The following MYSM1 variants were observed in gnomAD, a reference collection of about 807,000 sequenced individuals.
The protein encoded by MYSM1 is Myb like, SWIRM and MPN domains 1, also known as deubiquitinase MYSM1.
In MYSM1, 51 loss-of-function variants were observed where a neutral mutation model predicts 116.0. The ratio of observed to expected loss-of-function variants is 0.44; its 90% CI spans 0.35 to 0.56. The LOEUF is 0.56. MYSM1 is among the 20% of genes least tolerant of loss of function. The pLI, the probability that MYSM1 is intolerant of heterozygous loss-of-function variation, is 0.00. For synonymous variants in MYSM1, 313 were observed against 315.2 expected (o/e 0.99, Z 0.07); for missense variants, 900 against 974.9 (o/e 0.92, Z 1.02).
In MYSM1 at chr1:58,659,851, C is replaced by T; in HGVS notation, c.*146G>A. 2 of 574,562 alleles carry T rather than the reference C, an allele frequency of 3.5e-6. No individual in the cohort carries two copies. The highest frequency in any genetic ancestry group is 3.2e-5 in the East Asian group (1 of 31,732). The allele number at this position is 574,562 out of a possible 1,614,324, so 35.6% of individuals were successfully genotyped here. A position where few individuals can be genotyped will look rare whatever the true frequency, so the allele number is the denominator to read the frequency against. ...ACAAATTTGTATCTCTTCCTTTTCA[C>T]ATGATTTATGTGGCAAAGTTTGGAT... On this transcript the variant is annotated 3_prime_UTR_variant, in exon 20 of 20. Transcript: ENST00000472487.
chr1:58,660,957 T>G (rs1310438284), intron 19 of MYSM1, among the ~76,000 whole-genome samples: 1 of 152,124 alleles, frequency 6.6e-6, no homozygotes, highest in Non-Finnish European at 1.5e-5. Flanking sequence ...ACTGACAAAT[T>G]TATTCTAAAA....
intron 12 of MYSM1, 76 bp from the exon 13 acceptor site, chr1:58,669,114 G>T: frequency 9.0e-7 from 1 of 1,115,884 alleles, no homozygotes; most frequent in Non-Finnish European, 1.3e-6. Flanking sequence ...ATCTGAAAGT[G>T]TATATCAATA....
rs1411157478 is a variant in MYSM1 at position 58,654,789 on chromosome 1, CTT to C, written c.*5206_*5207del. 2 of 152,084 alleles carry C rather than the reference CTT, an allele frequency of 1.3e-5. No individual in the cohort carries two copies. Among genetic ancestry groups the C allele is most frequent in the Non-Finnish European group, 1.5e-5 (1 of 68,010 alleles). The allele number at this position is 152,084 out of a possible 1,614,324, so 9.4% of individuals were successfully genotyped here. ...TTATGGAATTTTCAGCATGTTTAAACTTAATTTTTAGAACAAAATCCAAAAGC... is the reference window on the plus strand; with the variant it reads ...TTATGGAATTTTCAGCATGTTTAAACAATTTTTAGAACAAAATCCAAAAGC... On this transcript the variant is annotated 3_prime_UTR_variant, in exon 20 of 20. Coordinates refer to ENST00000472487, the MANE Select transcript of MYSM1 (RefSeq NM_001085487.3).
intron 1 of MYSM1, among the ~76,000 whole-genome samples, chr1:58,695,883 A>T (rs1415158218): frequency 6.6e-6 from 1 of 152,170 alleles, no homozygotes. Flanking sequence ...TGTTTACCCC[A>T]TATTTGAAAA....
rs1644321496 is a variant in MYSM1, at chr1:58,656,564, G to C, written c.*3433C>G. 4.6e-5 allele frequency: 7 copies of C among 152,082 alleles called. No homozygotes were observed. Among genetic ancestry groups the C allele is most frequent in the Admixed American group, 3.9e-4 (6 of 15,262 alleles). The allele number at this position is 152,082 out of a possible 1,614,324, so 9.4% of individuals were successfully genotyped here. On this transcript the variant is annotated 3_prime_UTR_variant, in exon 20 of 20. Transcript: ENST00000472487. ...AACCACTGCCTCCTATCTTTTTTGA[G>C]GATGAATGGTCCCAAGTAATCCTTG...
intron 12 of MYSM1, among the ~76,000 whole-genome samples, chr1:58,671,540 TGCTAACAATTAG>T (rs1245573642): frequency 3.9e-5 from 6 of 152,148 alleles, no homozygotes; most frequent in African/African-American, 1.4e-4. Flanking sequence ...TGCAACAACT[TGCTAACAATTAG>T]TACCACCCAA....
chr1:58,698,106 T>A (rs865987009), intron 1 of MYSM1, among the ~76,000 whole-genome samples: 35 of 13,546 alleles, frequency 2.6e-3, no homozygotes, highest in East Asian at 3.9e-3. Context: ...ATATATATTT[T>A]TTTTTTTTTT....
At chr1:58,696,798 A>G (rs1351790636) in intron 1 of MYSM1, among the ~76,000 whole-genome samples, 7 of 152,234 alleles carry the variant, frequency 4.6e-5, no homozygotes, top group Non-Finnish European at 7.3e-5. Context: ...ATATCAGTGC[A>G]TGGCATGTAG....
At chr1:58,698,257 C>A (rs1053565586) in intron 1 of MYSM1, among the ~76,000 whole-genome samples, 2 of 150,120 alleles carry the variant, frequency 1.3e-5, no homozygotes, top group East Asian at 3.9e-4. Context: ...CCCACCACCA[C>A]GCCCAGCTAA....
At chr1:58,671,616 G>A (rs901305289) in intron 12 of MYSM1, among the ~76,000 whole-genome samples, 2 of 152,106 alleles carry the variant, frequency 1.3e-5, no homozygotes, top group African/African-American at 4.8e-5. Context: ...AGAGTTGAAT[G>A]ACCAACCTGT....
At chr1:58,685,341 TA>T (rs1331965343) in intron 6 of MYSM1, 90 bp from the exon 7 acceptor site, 166 of 690,136 alleles carry the variant, frequency 2.4e-4, no homozygotes, top group Middle Eastern at 4.1e-4. Context: ...AAAAAAAACT[TA>T]AAAAAAAATA....
chr1:58,669,439 C>A (rs116627659), intron 12 of MYSM1, among the ~76,000 whole-genome samples: 1 of 152,122 alleles, frequency 6.6e-6, no homozygotes, highest in Non-Finnish European at 1.5e-5. Flanking sequence ...AATGTGCCCA[C>A]TATAGAATAG....
At position 58,685,544 on chromosome 1, in the gene MYSM1, T is replaced by C. The variant is rs149541826; in HGVS notation, c.400-293A>G. ...CTGAATGAATTCATATTGTAAGTTATAATGTTCCATATCTAAAATAACTTT... is the reference window on the plus strand; with the variant it reads ...CTGAATGAATTCATATTGTAAGTTACAATGTTCCATATCTAAAATAACTTT... On this transcript the variant is annotated intron_variant, in intron 6 of 19. Coordinates refer to ENST00000472487, the MANE Select transcript of MYSM1 (RefSeq NM_001085487.3). Among the ~76,000 whole-genome samples, 974 of 152,326 alleles carry C rather than the reference T, an allele frequency of 6.4e-3. 3 individuals carry two copies. Among genetic ancestry groups the C allele is most frequent in the East Asian group, 0.019 (101 of 5,188 alleles).
rs556313569 is a variant in MYSM1, at chr1:58,663,645, A to G, written c.2164+1854T>C. Among the ~76,000 whole-genome samples the G allele has an allele frequency of 3.3e-5, 5 of 152,334 alleles. No individual in the cohort carries two copies. The South Asian group carries it at 1.0e-3, about 32-fold the overall frequency. On this transcript the variant is annotated intron_variant, in intron 17 of 19. Transcript: ENST00000472487. ...GGGAGCATCATGGATAGTTCCCTCT[A>G]ATGCTTTCAAGTAGTTCTTTCCCAT... is the stretch of plus-strand genomic sequence containing the variant.
chr1:58,664,355 T>C lies in MYSM1; in HGVS notation c.2164+1144A>G, dbSNP rs986558583. On this transcript the variant is annotated intron_variant, in intron 17 of 19. Transcript: ENST00000472487. ...ATTCCAGACTAAAAGCTAATACCAATATTATTAATTCAGTAAAAACCCATA... is the reference window on the plus strand; with the variant it reads ...ATTCCAGACTAAAAGCTAATACCAACATTATTAATTCAGTAAAAACCCATA... 3.9e-5 allele frequency among the ~76,000 whole-genome samples: 6 copies of C among 152,336 alleles called. No individual in the cohort carries two copies. The South Asian group carries it at 6.2e-4, about 16-fold the overall frequency.
Position 58,659,407 on chromosome 1 carries a change from G to GT in MYSM1, c.*589dup, listed in dbSNP as rs1163381804. ...CTGCTATACAATGAAATGGAAGATA[G>GT]TATCTATGATTAGAAACTGGTAATT... On this transcript the variant is annotated 3_prime_UTR_variant, in exon 20 of 20. Coordinates refer to ENST00000472487, the MANE Select transcript of MYSM1 (RefSeq NM_001085487.3). 6.6e-6 allele frequency: 1 copy of GT among 152,126 alleles called. No homozygotes were observed. The highest frequency in any genetic ancestry group is 6.6e-5 in the Admixed American group (1 of 15,256). 9.4% of individuals were successfully genotyped at this position (152,126 alleles called of 1,614,324 possible).
intron 8 of MYSM1, 62 bp from the exon 9 acceptor site, chr1:58,677,118 G>A: frequency 2.1e-6 from 3 of 1,430,426 alleles, no homozygotes; most frequent in Middle Eastern, 1.9e-4. Flanking sequence ...AAGATTTCTG[G>A]GGAAAACTTT....
chr1:58,678,453 T>TTA (rs1399981907), intron 8 of MYSM1, among the ~76,000 whole-genome samples: 1 of 152,120 alleles, frequency 6.6e-6, no homozygotes, highest in African/African-American at 2.4e-5. Flanking sequence ...GCTGAACAAA[T>TTA]GGTAAGGACT....
At chr1:58,697,091 T>G (rs1382717233) in intron 1 of MYSM1, among the ~76,000 whole-genome samples, 1 of 152,054 alleles carries the variant, frequency 6.6e-6, no homozygotes, top group Non-Finnish European at 1.5e-5. Flanking sequence ...CAGGAAGAAG[T>G]GAATACAGTT....
Sources: allele counts gnomAD v4.1 joint callset (sites outside exome capture counted in the v4.1 genomes callset), GRCh38; gene constraint gnomAD v4.1.1; transcripts MANE v1.5; gene names NCBI Gene and HGNC (gene_info 2026-07-23, HGNC 2026-07-21).